NALF1: variants seen among roughly 807,000 people sequenced by gnomAD.
NALF1 encodes NALCN channel auxiliary factor 1.
NALF1 carries 3 observed loss-of-function variants against 48.4 expected under a neutral mutation model. The observed-to-expected ratio is 0.06, with a 90% CI of 0.03 to 0.16. The LOEUF (loss-of-function observed/expected upper bound fraction) is 0.16. NALF1 is among the 10% of genes least tolerant of loss of function. The pLI, the probability that NALF1 is intolerant of heterozygous loss-of-function variation, is 1.00. For synonymous variants in NALF1, 262 were observed against 245.7 expected, an observed-to-expected ratio of 1.07 and a Z score of -0.62; for missense variants, 526 against 571.5, an observed-to-expected ratio of 0.92 and a Z score of 0.81.
chr13:107,498,734 G>T (rs773244222), intron 1 of NALF1, among the ~76,000 whole-genome samples: 4 of 152,150 alleles, frequency 2.6e-5, no homozygotes, highest in African/African-American at 9.6e-5. Flanking sequence ...TTTTATTCTT[G>T]TTCCTTTTAT....
intron 1 of NALF1, among the ~76,000 whole-genome samples, chr13:107,852,427 T>C (rs1162257479): frequency 1.3e-5 from 2 of 152,230 alleles, no homozygotes; most frequent in African/African-American, 4.8e-5. Context: ...GTTGCTCTAC[T>C]ATGCTTCTTT....
At chr13:107,467,157 G>A (rs1379887534) in intron 1 of NALF1, among the ~76,000 whole-genome samples, 5 of 151,880 alleles carry the variant, frequency 3.3e-5, no homozygotes, top group African/African-American at 7.3e-5. Context: ...ATTCTTGATC[G>A]ACATTTTAAT....
At chr13:107,695,563 T>C (rs956434378) in intron 1 of NALF1, among the ~76,000 whole-genome samples, 2 of 152,206 alleles carry the variant, frequency 1.3e-5, no homozygotes, top group African/African-American at 4.8e-5. Flanking sequence ...TTTTTGTGCT[T>C]GTTCAAAGCC....
At chr13:107,834,439 G>GA (rs1001051035) in intron 1 of NALF1, among the ~76,000 whole-genome samples, 9 of 152,146 alleles carry the variant, frequency 5.9e-5, no homozygotes, top group African/African-American at 9.7e-5. Flanking sequence ...AGAGTATGGG[G>GA]AAAAAATGAA....
At position 107,866,349 on chromosome 13, in the gene NALF1, T is replaced by C. The variant is rs1031404966; in HGVS notation, c.248A>G (p.Gln83Arg). ...CTGCTGCCGCTGCCTCTGCTGCTGC[T>C]GCTGCTGCTGCTGCTGCCGCTGCTG... ...QQQQRQQQQQ[Q>R]QQQRQRQQQQ... The change falls in exon 1 of 3, where the codon CAG becomes CGG. Residue 83 changes from glutamine (Q) to arginine (R), a missense_variant. Physicochemically the swap from Gln to Arg is conservative, Grantham distance 43 (BLOSUM62 1). Transcript: ENST00000375915. The surrounding 1 kb of genome is among the most constrained non-coding windows in gnomAD (Gnocchi z 4.4). 9 of 1,608,610 alleles carry C rather than the reference T, an allele frequency of 5.6e-6. No homozygotes were observed. The East Asian group carries it at 1.1e-4, about 20-fold the overall frequency.
chr13:107,453,996 T>C (rs1030112661), intron 1 of NALF1, among the ~76,000 whole-genome samples: 3 of 152,170 alleles, frequency 2.0e-5, no homozygotes, highest in African/African-American at 7.2e-5. Flanking sequence ...TCACCTTTAG[T>C]TCCTAACAAG....
At chr13:107,615,902 A>G (rs1233915114) in intron 1 of NALF1, among the ~76,000 whole-genome samples, 1 of 152,138 alleles carries the variant, frequency 6.6e-6, no homozygotes, top group African/African-American at 2.4e-5. Flanking sequence ...TAACTTTGCT[A>G]GTTAAAAGCC....
rs756515049 is a variant in NALF1 at position 107,866,338 on chromosome 13, T to TCTGCTGCTG, written c.250_258dup (p.Gln84_Gln86dup). ...TGCTGCTGCTGCTGCTGCCGCTGCC[T>TCTGCTGCTG]CTGCTGCTGCTGCTGCTGCTGCTGC... On this transcript the variant is annotated inframe_insertion, in exon 1 of 3. Coordinates refer to ENST00000375915, the MANE Select transcript of NALF1 (RefSeq NM_001080396.3). This position sits in a 1 kb window ranked among gnomAD's most constrained non-coding sequence, Gnocchi z 4.4. 201 of 1,598,610 alleles carry TCTGCTGCTG rather than the reference T, an allele frequency of 1.3e-4. No homozygotes were observed. The highest frequency in any genetic ancestry group is 3.4e-4 in the Middle Eastern group (2 of 5,806).
At chr13:107,774,384 T>C (rs1463601407) in intron 1 of NALF1, among the ~76,000 whole-genome samples, 1 of 152,218 alleles carries the variant, frequency 6.6e-6, no homozygotes, top group Non-Finnish European at 1.5e-5. Context: ...TCAATTTGAA[T>C]ATGATTTTGT....
chr13:107,451,019 G>T (rs537136883), intron 1 of NALF1, among the ~76,000 whole-genome samples: 1 of 152,280 alleles, frequency 6.6e-6, no homozygotes, highest in South Asian at 2.1e-4. Context: ...CTTATACAAA[G>T]GATGTGAACC....
intron 1 of NALF1, among the ~76,000 whole-genome samples, chr13:107,452,195 A>G (rs1426254357): frequency 6.6e-6 from 1 of 152,044 alleles, no homozygotes; most frequent in Admixed American, 6.6e-5. Context: ...CCTCCTGCCC[A>G]TATCTTACTC....
intron 1 of NALF1, among the ~76,000 whole-genome samples, chr13:107,802,506 G>A (rs1878650317): frequency 6.6e-6 from 1 of 151,910 alleles, no homozygotes; most frequent in Non-Finnish European, 1.5e-5. Context: ...ACAAATCTTA[G>A]AAAAATTATT....
intron 1 of NALF1, among the ~76,000 whole-genome samples, chr13:107,371,458 AAAATAAAT>A (rs10641731): frequency 0.016 from 2,345 of 150,564 alleles, 56 homozygotes; most frequent in African/African-American, 0.053. Flanking sequence ...AAATAAAAAT[AAAATAAAT>A]AAATAAATAA....
At chr13:107,430,420 C>A (rs1289916216) in intron 1 of NALF1, among the ~76,000 whole-genome samples, 1 of 152,064 alleles carries the variant, frequency 6.6e-6, no homozygotes, top group African/African-American at 2.4e-5. Context: ...AGGTATATCT[C>A]CTAATGCTAT....
chr13:107,230,809 C>T (rs1336383089), intron 1 of NALF1, among the ~76,000 whole-genome samples: 1 of 152,008 alleles, frequency 6.6e-6, no homozygotes, highest in Admixed American at 6.6e-5. Flanking sequence ...GCTGTAATCC[C>T]AGCACGTTGG....
In NALF1 at chr13:107,736,221, ACACGCGCG is replaced by A. The variant is rs774315366; in HGVS notation, c.915+129453_915+129460del. ...CACACACACACACACACACACACAC[ACACGCGCG>A]CGTGTACCTAATAAGCTGTATCTAA... On this transcript the variant is annotated intron_variant, in intron 1 of 2. Transcript: ENST00000375915. Among the ~76,000 whole-genome samples the A allele has an allele frequency of 1.0e-4, 11 of 110,544 alleles. No individual in the cohort carries two copies. The East Asian group carries it at 5.0e-3, about 50-fold the overall frequency. The allele number at this position is 110,544 out of a possible 152,430, so 72.5% of individuals were successfully genotyped here. A position where few individuals can be genotyped will look rare whatever the true frequency, so the allele number is the denominator to read the frequency against.
chr13:107,481,918 T>G (rs560949515), intron 1 of NALF1, among the ~76,000 whole-genome samples: 4 of 152,284 alleles, frequency 2.6e-5, no homozygotes, highest in Admixed American at 2.0e-4. Flanking sequence ...ACTTAACTAA[T>G]GAGGGAAATA....
intron 2 of NALF1, among the ~76,000 whole-genome samples, chr13:107,181,496 T>A (rs564194982): frequency 6.6e-6 from 1 of 151,974 alleles, no homozygotes; most frequent in African/African-American, 2.4e-5. Context: ...GTTTTAGTTT[T>A]GTTTGATACA....
chr13:107,375,949 C>T (rs1418088690), intron 1 of NALF1, among the ~76,000 whole-genome samples: 1 of 152,028 alleles, frequency 6.6e-6, no homozygotes, highest in African/African-American at 2.4e-5. Context: ...CACACATACA[C>T]ACACACACAG....
Sources: gnomAD v4.1 joint callset for allele counts (sites outside exome capture counted in the v4.1 genomes callset) on GRCh38, gnomAD v4.1.1 for gene constraint, Gnocchi (gnomAD v3.1) non-coding constraint, MANE v1.5 for transcripts, NCBI Gene and HGNC (gene_info 2026-07-23, HGNC 2026-07-21) for gene names.